The following PDYN variants were observed in gnomAD, a reference collection of about 807,000 sequenced individuals.
PDYN encodes proenkephalin-B.
In PDYN, 5 loss-of-function variants were observed where a neutral mutation model predicts 11.4. The ratio of observed to expected loss-of-function variants is 0.44; its 90% CI spans 0.23 to 0.92. The LOEUF (loss-of-function observed/expected upper bound fraction) is 0.92, where lower values mean the gene tolerates loss of function less well. Among genes scored for constraint, PDYN ranks in the 40% least tolerant of loss-of-function variants. The pLI, the probability that PDYN is intolerant of heterozygous loss-of-function variation, is 0.24. For missense variants in PDYN, 337 were observed against 317.3 expected (o/e 1.06, Z -0.47); for synonymous variants, 132 against 129.5 (o/e 1.02, Z -0.13).
intron 3 of PDYN, 89 bp downstream of exon 3, chr20:1,982,867 C>A (rs1987913417): frequency 7.1e-7 from 1 of 1,412,854 alleles, no homozygotes; most frequent in Non-Finnish European, 1.0e-6. Context: ...AGACAGCACA[C>A]AGCTGCCCAG....
intron 1 of PDYN, among the ~76,000 whole-genome samples, chr20:1,993,394 C>T (rs1262592329): frequency 6.6e-6 from 1 of 152,194 alleles, no homozygotes; most frequent in African/African-American, 2.4e-5. Context: ...CAATTAAACA[C>T]AATCCGAAAA....
rs1987666469 is a variant in PDYN at position 1,980,411 on chromosome 20, T to G, written c.677A>C (p.Tyr226Ser). Residue 226 changes from tyrosine to serine, a missense_variant, in exon 4 of 4, where the codon TAT becomes TCT. Transcript: ENST00000217305. The part of the protein sequence containing the change: ...PKLKWDNQKR[Y>S]GGFLRRQFKV... ...GAACTGGCGCCGGAGAAAACCGCCA[T>G]AGCGCTTCTGGTTGTCCCACTTGAG... The G allele has an allele frequency of 1.9e-6, 3 of 1,614,166 alleles. No individual in the cohort carries two copies. Among genetic ancestry groups the G allele is most frequent in the Non-Finnish European group, 2.5e-6 (3 of 1,180,038 alleles).
chr20:1,989,301 C>T (rs976253244), intron 2 of PDYN, among the ~76,000 whole-genome samples: 2 of 152,130 alleles, frequency 1.3e-5, no homozygotes, highest in Admixed American at 1.3e-4. Context: ...GCTCTCCTGG[C>T]AAATACTGAG....
rs1987617153 is a variant in PDYN at position 1,979,965 on chromosome 20, G to T, written c.*358C>A. The T allele has an allele frequency of 5.4e-6, 2 of 370,320 alleles. No homozygotes were observed. Among genetic ancestry groups the T allele is most frequent in the East Asian group, 6.5e-5 (1 of 15,476 alleles). 22.9% of individuals were successfully genotyped at this position (370,320 alleles called of 1,614,324 possible). ...AAGTTTGGACATCATAGACCTACAG[G>T]TACAAAGAACACATCGCTCTGGTTC... On this transcript the variant is annotated 3_prime_UTR_variant, in exon 4 of 4. Transcript: ENST00000217305.
In PDYN at chr20:1,993,568, C is replaced by G. The variant is rs542345237; in HGVS notation, c.-80+343G>C. ...TAGTGAAACCTCTCACTTCTCCCAT[C>G]CAGGGTGTCCCATTTTCCCCAGACC... On this transcript the variant is annotated intron_variant, in intron 1 of 3. Transcript: ENST00000217305. 5.9e-5 allele frequency: 9 copies of G among 152,376 alleles called. No individual in the cohort carries two copies. In the South Asian group the frequency reaches 1.2e-3, roughly 21 times the overall value. The allele number at this position is 152,376 out of a possible 1,614,324, so 9.4% of individuals were successfully genotyped here.
chr20:1,979,910 A>G lies in PDYN; in HGVS notation c.*413T>C, dbSNP rs1181623505. On this transcript the variant is annotated 3_prime_UTR_variant, in exon 4 of 4. Coordinates refer to ENST00000217305, the MANE Select transcript of PDYN (RefSeq NM_024411.5). ...TATCTGCATGAGGGAGCATGCTCAT[A>G]TTTCTTCTAAGAGGGGCATGTGATC... 1 of 280,046 alleles carries G rather than the reference A, an allele frequency of 3.6e-6. No homozygotes were observed. The highest frequency in any genetic ancestry group is 8.6e-5 in the East Asian group (1 of 11,634). 17.3% of individuals were successfully genotyped at this position (280,046 alleles called of 1,614,324 possible).
chr20:1,991,231 C>T lies in PDYN; in HGVS notation c.-20+1353G>A, dbSNP rs746422078. Among the ~76,000 whole-genome samples the T allele has an allele frequency of 1.1e-4, 16 of 152,330 alleles. 1 individual carries two copies. Among genetic ancestry groups the T allele is most frequent in the Admixed American group, 7.8e-4 (12 of 15,306 alleles). ...GCCACATAATAACTGCTCAGTAAAC[C>T]GCTGTCAAGTTAAATCAAATCGTCC... On this transcript the variant is annotated intron_variant, in intron 2 of 3. Transcript: ENST00000217305.
At chr20:1,984,888 G>A (rs1262001671) in intron 2 of PDYN, among the ~76,000 whole-genome samples, 2 of 151,744 alleles carry the variant, frequency 1.3e-5, no homozygotes, top group African/African-American at 4.8e-5. Flanking sequence ...AACACAGTGA[G>A]ACTCCATCTC....
In PDYN at chr20:1,980,039, C is replaced by A. The variant is rs561407444; in HGVS notation, c.*284G>T. The A allele has an allele frequency of 2.4e-4, 91 of 382,850 alleles. No individual in the cohort carries two copies. The highest frequency in any genetic ancestry group is 1.7e-3 in the African/African-American group (84 of 48,132). The allele number at this position is 382,850 out of a possible 1,614,324, so 23.7% of individuals were successfully genotyped here. A position where few individuals can be genotyped will look rare whatever the true frequency, so the allele number is the denominator to read the frequency against. On this transcript the variant is annotated 3_prime_UTR_variant, in exon 4 of 4. Transcript: ENST00000217305. Reference sequence around the variant, plus strand: ...ACAGGTTGGAAGGACAGATCACAAACTGCTGCTGCTGCTGCTGCTGCCGCT... The same window carrying A: ...ACAGGTTGGAAGGACAGATCACAAAATGCTGCTGCTGCTGCTGCTGCCGCT...
In PDYN at chr20:1,980,844, A is replaced by T; in HGVS notation, c.244T>A (p.Leu82Met). 6.2e-7 allele frequency: 1 copy of T among 1,614,192 alleles called. No homozygotes were observed. Among genetic ancestry groups the T allele is most frequent in the Non-Finnish European group, 8.5e-7 (1 of 1,180,026 alleles). ...STLGLNDKED[L>M]GSKSVGEGPY... ...CCTTCCCCAACCGACTTGCTCCCCA[A>T]GTCCTCCTTGTCATTGAGCCCAAGG... Residue 82 changes from leucine to methionine, a missense_variant, in exon 4 of 4, where the codon TTG becomes ATG. Transcript: ENST00000217305.
rs1288739917 is a variant in PDYN at position 1,980,823 on chromosome 20, C to T, written c.265G>A (p.Glu89Lys). The T allele has an allele frequency of 6.2e-7, 1 of 1,614,208 alleles. No homozygotes were observed. Among genetic ancestry groups the T allele is most frequent in the East Asian group, 2.2e-5 (1 of 44,884 alleles). The change falls in exon 4 of 4, where the codon GAA (glutamate) becomes AAA (lysine). Residue 89 changes from glutamate to lysine, a missense_variant. Glu to Lys is a moderately conservative substitution (Grantham distance 56). Coordinates refer to ENST00000217305, the MANE Select transcript of PDYN (RefSeq NM_024411.5). ...TTGGCCAGCTCACTGTAGGGCCCTT[C>T]CCCAACCGACTTGCTCCCCAAGTCC... The part of the protein sequence containing the change: ...KEDLGSKSVG[E>K]GPYSELAKLS...
Position 1,987,595 on chromosome 20 carries a change from T to C in PDYN, c.-19-4492A>G, listed in dbSNP as rs546152976. Reference sequence around the variant, plus strand: ...CCCACTCTAACTCGGAGAAGCAGCATGGGGTGGAAGGGACACAGCTGTTGA... The same window carrying C: ...CCCACTCTAACTCGGAGAAGCAGCACGGGGTGGAAGGGACACAGCTGTTGA... On this transcript the variant is annotated intron_variant, in intron 2 of 3. Transcript: ENST00000217305. Among the ~76,000 whole-genome samples the C allele has an allele frequency of 1.2e-4, 19 of 152,258 alleles. No individual in the cohort carries two copies. The South Asian group carries it at 3.9e-3, about 32-fold the overall frequency.
Position 1,980,431 on chromosome 20 carries a change from C to A in PDYN, c.657G>T (p.Lys219Asn), listed in dbSNP as rs1314139371. 1.9e-6 allele frequency: 3 copies of A among 1,614,138 alleles called. No individual in the cohort carries two copies. The highest frequency in any genetic ancestry group is 1.7e-6 in the Non-Finnish European group (2 of 1,180,030). ...CGCCATAGCGCTTCTGGTTGTCCCACTTGAGCTTGGGACGAATGCGCCGCA... is the reference window on the plus strand; with the variant it reads ...CGCCATAGCGCTTCTGGTTGTCCCAATTGAGCTTGGGACGAATGCGCCGCA... ...GFLRRIRPKL[K>N]WDNQKRYGGF... The change falls in exon 4 of 4, where the codon AAG (lysine) becomes AAT (asparagine). Residue 219 changes from lysine (K) to asparagine (N), a missense_variant. Physicochemically the swap from Lys to Asn is moderately conservative, Grantham distance 94 (BLOSUM62 0). Transcript: ENST00000217305.
At chr20:1,990,302 G>A (rs1988376475) in intron 2 of PDYN, among the ~76,000 whole-genome samples, 1 of 152,142 alleles carries the variant, frequency 6.6e-6, no homozygotes, top group Admixed American at 6.5e-5. Context: ...AATATGTATC[G>A]AGTGTCTTTC....
chr20:1,991,093 G>T (rs1260369925), intron 2 of PDYN, among the ~76,000 whole-genome samples: 1 of 152,084 alleles, frequency 6.6e-6, no homozygotes, highest in Non-Finnish European at 1.5e-5. Flanking sequence ...AGGGAGAGTA[G>T]ATTTTGATTC....
intron 2 of PDYN, among the ~76,000 whole-genome samples, chr20:1,987,599 G>T (rs1988247861): frequency 6.6e-6 from 1 of 152,166 alleles, no homozygotes; most frequent in South Asian, 2.1e-4. Context: ...GCAGCATGGG[G>T]TGGAAGGGAC....
intron 2 of PDYN, among the ~76,000 whole-genome samples, chr20:1,989,057 G>T (rs1988320198): frequency 6.6e-6 from 1 of 152,306 alleles, no homozygotes; most frequent in Non-Finnish European, 1.5e-5. Flanking sequence ...TACAGACAAG[G>T]TTTGCTGACC....
intron 2 of PDYN, among the ~76,000 whole-genome samples, chr20:1,989,789 C>G (rs1275388993): frequency 6.6e-6 from 1 of 152,206 alleles, no homozygotes; most frequent in East Asian, 1.9e-4. Flanking sequence ...GAACTCCAGC[C>G]TCCCACACCT....
chr20:1,983,312 C>T (rs373317797), intron 2 of PDYN, among the ~76,000 whole-genome samples: 35 of 152,298 alleles, frequency 2.3e-4, no homozygotes, highest in Non-Finnish European at 3.8e-4. Flanking sequence ...CCACTGTATA[C>T]CCAGAGCTTT....
Sources: allele counts gnomAD v4.1 joint callset (sites outside exome capture counted in the v4.1 genomes callset), GRCh38; gene constraint gnomAD v4.1.1; transcripts MANE v1.5; gene names NCBI Gene and HGNC (gene_info 2026-07-23, HGNC 2026-07-21).